The following HSD3B2 variants were observed in gnomAD, a reference collection of about 807,000 sequenced individuals.
The protein encoded by HSD3B2 is 3 beta-hydroxysteroid dehydrogenase/Delta 5-->4-isomerase type 2.
Under a neutral mutation model 9.9 loss-of-function variants are expected in HSD3B2, and 8 were observed. The observed-to-expected ratio is 0.81, with a 90% CI of 0.47 to 1.46. The LOEUF (loss-of-function observed/expected upper bound fraction) is 1.46. HSD3B2 is among the 40% of genes most tolerant of loss of function. HSD3B2 has a pLI of 0.00. For synonymous variants in HSD3B2, 221 were observed against 184.5 expected, an observed-to-expected ratio of 1.20 and a Z score of -1.60; for missense variants, 410 against 448.3, an observed-to-expected ratio of 0.91 and a Z score of 0.77.
At chr1:119,421,275 G>C (rs1035731891) in intron 3 of HSD3B2, among the ~76,000 whole-genome samples, 5 of 150,744 alleles carry the variant, frequency 3.3e-5, no homozygotes, top group Non-Finnish European at 7.4e-5. Context: ...TAAATGATCT[G>C]TCTTTAATTG....
intron 2 of HSD3B2, chr1:119,417,437 C>T (rs780135788): frequency 6.6e-6 from 1 of 152,190 alleles, no homozygotes; most frequent in Non-Finnish European, 1.5e-5. Context: ...AATGGCAATT[C>T]CTTTGAGCCA....
At chr1:119,418,740 C>T (rs1360079622) in intron 2 of HSD3B2, among the ~76,000 whole-genome samples, 1 of 151,786 alleles carries the variant, frequency 6.6e-6, no homozygotes, top group African/African-American at 2.4e-5. Flanking sequence ...CAACCTCCAC[C>T]TCCCAGACTC....
Position 119,419,477 on chromosome 1 carries a change from C to A in HSD3B2, c.202C>A (p.Leu68Met), listed in dbSNP as rs138340684. 2 of 1,613,644 alleles carry A rather than the reference C, an allele frequency of 1.2e-6. No individual in the cohort carries two copies. The highest frequency in any genetic ancestry group is 1.7e-6 in the Non-Finnish European group (2 of 1,179,806). ...AGGAGACATTCTGGATGAGCCATTC[C>A]TGAAAAGAGCCTGCCAGGACGTCTC... ...LEGDILDEPF[L>M]KRACQDVSVV... Residue 68 changes from leucine to methionine, a missense_variant, in exon 3 of 4, where the codon CTG (leucine) becomes ATG (methionine). Physicochemically the swap from Leu to Met is conservative, Grantham distance 15. Coordinates refer to ENST00000369416, the MANE Select transcript of HSD3B2 (RefSeq NM_000198.4).
intron 3 of HSD3B2, 75 bp from the exon 4 acceptor site, chr1:119,421,734 C>A (rs1175862740): frequency 1.3e-6 from 2 of 1,518,278 alleles, no homozygotes; most frequent in Non-Finnish European, 1.8e-6. Context: ...GGGAGTGGGG[C>A]ACATGGATCT....
rs114787458 is a variant in HSD3B2, at chr1:119,417,176, G to A, written c.142+1615G>A. On this transcript the variant is annotated intron_variant, in intron 2 of 3. Transcript: ENST00000369416. ...ACGGCAAAGCTGGATTTGAATCCAG[G>A]CAGTCTAGTGCAGCTTCTGTGCTCT... Among the ~76,000 whole-genome samples, 369 of 152,280 alleles carry A rather than the reference G, an allele frequency of 2.4e-3. 2 individuals are homozygous for A. The highest frequency in any genetic ancestry group is 8.6e-3 in the African/African-American group (358 of 41,562).
intron 2 of HSD3B2, 41 bp from the exon 3 acceptor site, chr1:119,419,377 A>C (rs750442870): frequency 6.2e-7 from 1 of 1,609,636 alleles, no homozygotes; most frequent in Non-Finnish European, 8.5e-7. Context: ...TCCCAGCCAG[A>C]TCCAGAAATC....
At chr1:119,419,938 A>C in intron 3 of HSD3B2, 1 of 327,894 alleles carries the variant, frequency 3.0e-6, no homozygotes, top group Non-Finnish European at 5.9e-6. Context: ...ATATCCAGCT[A>C]CTCCTTGGCT....
rs950558235 is a variant in HSD3B2 at position 119,416,731 on chromosome 1, C to T, written c.142+1170C>T. On this transcript the variant is annotated intron_variant, in intron 2 of 3. Coordinates refer to ENST00000369416, the MANE Select transcript of HSD3B2 (RefSeq NM_000198.4). Reference sequence around the variant, plus strand: ...CAGAAGCTCCCCTTGACACTCTCCTCTTCTTTCACTCTTCTCTGACCTCTT... The same window carrying T: ...CAGAAGCTCCCCTTGACACTCTCCTTTTCTTTCACTCTTCTCTGACCTCTT... 2.6e-5 allele frequency among the ~76,000 whole-genome samples: 4 copies of T among 152,340 alleles called. No homozygotes were observed. In the South Asian group the frequency reaches 8.3e-4, roughly 32 times the overall value.
In HSD3B2 at chr1:119,416,691, C is replaced by T. The variant is rs901337944; in HGVS notation, c.142+1130C>T. On this transcript the variant is annotated intron_variant, in intron 2 of 3. Coordinates refer to ENST00000369416, the MANE Select transcript of HSD3B2 (RefSeq NM_000198.4). ...TGCAGGTTCTGGCTGCCTAGAAGGTCCTGCCCTGTTCACACAGAAGCTCCC... is the reference window on the plus strand; with the variant it reads ...TGCAGGTTCTGGCTGCCTAGAAGGTTCTGCCCTGTTCACACAGAAGCTCCC... Among the ~76,000 whole-genome samples the T allele has an allele frequency of 2.6e-5, 4 of 152,180 alleles. No individual in the cohort carries two copies. In the South Asian group the frequency reaches 6.2e-4, roughly 24 times the overall value.
In HSD3B2 at chr1:119,422,674, T is replaced by G; in HGVS notation, c.*54T>G. ...GTATTGTTAGGAAATGTCATCAAACTCCACCCACCTGGCTTCATACAGAAG... is the reference window on the plus strand; with the variant it reads ...GTATTGTTAGGAAATGTCATCAAACGCCACCCACCTGGCTTCATACAGAAG... On this transcript the variant is annotated 3_prime_UTR_variant, in exon 4 of 4. Coordinates refer to ENST00000369416, the MANE Select transcript of HSD3B2 (RefSeq NM_000198.4). The G allele has an allele frequency of 1.2e-6, 2 of 1,600,106 alleles. No individual in the cohort carries two copies. The highest frequency in any genetic ancestry group is 1.1e-5 in the South Asian group (1 of 89,674).
At position 119,422,628 on chromosome 1, in the gene HSD3B2, A is replaced by T. The variant is rs1373501784; in HGVS notation, c.*8A>T. 1 of 1,613,468 alleles carries T rather than the reference A, an allele frequency of 6.2e-7. No individual in the cohort carries two copies. The highest frequency in any genetic ancestry group is 1.7e-5 in the Admixed American group (1 of 59,998). ...AAGTCCAAGACTCAGTGATTTAAGG[A>T]TGACAGAGATGTGCATGTGGGTATT... On this transcript the variant is annotated 3_prime_UTR_variant, in exon 4 of 4. Transcript: ENST00000369416.
chr1:119,422,807 C>A lies in HSD3B2; in HGVS notation c.*187C>A. ...TGCACAGTCACTGGCCCAACCAGAA[C>A]TTTCTGTCCTAATCATACACCAGAA... is the stretch of plus-strand genomic sequence containing the variant. On this transcript the variant is annotated 3_prime_UTR_variant, in exon 4 of 4. Transcript: ENST00000369416. The A allele has an allele frequency of 1.4e-6, 1 of 690,844 alleles. No individual in the cohort carries two copies. Among genetic ancestry groups the A allele is most frequent in the Non-Finnish European group, 2.5e-6 (1 of 396,866 alleles). The allele number at this position is 690,844 out of a possible 1,614,324, so 42.8% of individuals were successfully genotyped here. A position where few individuals can be genotyped will look rare whatever the true frequency, so the allele number is the denominator to read the frequency against.
intron 2 of HSD3B2, among the ~76,000 whole-genome samples, chr1:119,416,284 C>T (rs1369927827): frequency 6.6e-6 from 1 of 152,066 alleles, no homozygotes; most frequent in African/African-American, 2.4e-5. Context: ...GGCCAACATG[C>T]CTCATTTATA....
chr1:119,419,826 G>C, intron 3 of HSD3B2: 1 of 509,236 alleles, frequency 2.0e-6, no homozygotes, highest in South Asian at 2.0e-5. Flanking sequence ...AAGTAGGAGA[G>C]TTAGACTTTA....
chr1:119,415,679 A>G (rs1321806869), intron 2 of HSD3B2, 118 bp downstream of exon 2: 4 of 1,015,716 alleles, frequency 3.9e-6, no homozygotes, highest in East Asian at 2.4e-5. Context: ...CCAGTCACAC[A>G]TCTAAAGTCA....
intron 2 of HSD3B2, among the ~76,000 whole-genome samples, chr1:119,418,753 T>A (rs1402740215): frequency 1.3e-5 from 2 of 151,638 alleles, no homozygotes; most frequent in East Asian, 3.9e-4. Context: ...CCAGACTCCA[T>A]CCTTCCTCCT....
chr1:119,421,718 G>A, intron 3 of HSD3B2, 91 bp from the exon 4 acceptor site: 2 of 1,382,890 alleles, frequency 1.4e-6, no homozygotes, highest in Non-Finnish European at 2.1e-6. Context: ...ACTGCACTTG[G>A]GAGTGGGGAG....
intron 2 of HSD3B2, among the ~76,000 whole-genome samples, chr1:119,417,690 G>A (rs1391045827): frequency 6.6e-6 from 1 of 152,176 alleles, no homozygotes; most frequent in African/African-American, 2.4e-5. Flanking sequence ...ATCCCAGGAA[G>A]GAATTTCTCC....
At chr1:119,419,395 T>C (rs886466699) in intron 2 of HSD3B2, 23 bp from the exon 3 acceptor site, 1 of 1,613,408 alleles carries the variant, frequency 6.2e-7, no homozygotes, top group Non-Finnish European at 8.5e-7. Flanking sequence ...ATCTTTCCAA[T>C]GACCTGACCT....
Sources: allele counts gnomAD v4.1 joint callset (sites outside exome capture counted in the v4.1 genomes callset), GRCh38; gene constraint gnomAD v4.1.1; transcripts MANE v1.5; gene names NCBI Gene and HGNC (gene_info 2026-07-23, HGNC 2026-07-21).